Variants in PTPRF observed in about 807,000 individuals in gnomAD.
PTPRF encodes the protein protein tyrosine phosphatase receptor type F, also known as receptor-type tyrosine-protein phosphatase F.
Under a neutral mutation model 201.8 loss-of-function variants are expected in PTPRF, and 59 were observed. That is an observed-to-expected ratio of 0.29 (90% CI 0.24 to 0.36). The LOEUF is 0.36. Among genes scored for constraint, PTPRF ranks in the 10% least tolerant of loss-of-function variants. The pLI is 1.00. For synonymous variants in PTPRF, 1,088 were observed against 1,089.7 expected (o/e 1.00, Z 0.03); for missense variants, 2,132 against 2,690.5 (o/e 0.79, Z 4.59).
intron 11 of PTPRF, 51 bp downstream of exon 11, chr1:43,592,652 C>T (rs774010591): frequency 1.6e-5 from 24 of 1,486,122 alleles, no homozygotes; most frequent in Non-Finnish European, 2.2e-5. Context: ...GGGACACACA[C>T]ACACACATGC....
At chr1:43,596,109 T>C (rs1406284136) in intron 11 of PTPRF, among the ~76,000 whole-genome samples, 1 of 151,842 alleles carries the variant, frequency 6.6e-6, no homozygotes, top group Non-Finnish European at 1.5e-5. Flanking sequence ...GGTGAGAGTG[T>C]GGTAGGTGGT....
At position 43,606,221 on chromosome 1, in the gene PTPRF, C is replaced by T; in HGVS notation, c.3484-19C>T. The T allele has an allele frequency of 6.2e-7, 1 of 1,606,418 alleles. No individual in the cohort carries two copies. Among genetic ancestry groups the T allele is most frequent in the South Asian group, 1.1e-5 (1 of 90,420 alleles). ...CATGCTCCAAGGCCCCTCATGACCCCCATGCTCTGCTCTGCCAGCTTCTAG... is the reference window on the plus strand; with the variant it reads ...CATGCTCCAAGGCCCCTCATGACCCTCATGCTCTGCTCTGCCAGCTTCTAG... On this transcript the variant is annotated intron_variant, in intron 19 of 33. Coordinates refer to ENST00000359947, the MANE Select transcript of PTPRF (RefSeq NM_002840.5).
intron 21 of PTPRF, among the ~76,000 whole-genome samples, chr1:43,608,380 CT>C (rs1420573721): frequency 6.6e-6 from 1 of 152,198 alleles, no homozygotes; most frequent in African/African-American, 2.4e-5. Context: ...CCCTCTACTT[CT>C]AATCCTTGGG....
upstream of PTPRF, among the ~76,000 whole-genome samples, chr1:43,522,909 G>A (rs369837521): frequency 1.3e-5 from 2 of 152,208 alleles, no homozygotes; most frequent in African/African-American, 2.4e-5. Flanking sequence ...TTTTCGTGGC[G>A]GAGTGACATA....
chr1:43,531,677 C>T (rs904234021), intron 1 of PTPRF, among the ~76,000 whole-genome samples: 4 of 151,608 alleles, frequency 2.6e-5, no homozygotes, highest in Non-Finnish European at 4.4e-5. Context: ...AGCCCCCCCA[C>T]CCCCTTCGTT....
At chr1:43,620,391 A>G (rs888168238) in intron 30 of PTPRF, 63 bp from the exon 31 acceptor site, 31 of 1,544,998 alleles carry the variant, frequency 2.0e-5, no homozygotes, top group Non-Finnish European at 2.5e-5. Flanking sequence ...AATCCTGTGA[A>G]GCCTGGCACC....
intron 2 of PTPRF, among the ~76,000 whole-genome samples, chr1:43,540,460 C>T (rs74071952): frequency 0.016 from 2,367 of 152,136 alleles, 66 homozygotes; most frequent in African/African-American, 0.054. Flanking sequence ...CTTGGAGGCA[C>T]AAAGTTGGGA....
intron 5 of PTPRF, among the ~76,000 whole-genome samples, chr1:43,566,919 C>T (rs1349490602): frequency 2.0e-5 from 3 of 152,112 alleles, no homozygotes; most frequent in African/African-American, 4.8e-5. Context: ...CCACTGAGGG[C>T]GTGATAATTG....
At chr1:43,606,762 T>TG in intron 20 of PTPRF, 52 bp from the exon 21 acceptor site, 2 of 1,590,828 alleles carry the variant, frequency 1.3e-6, no homozygotes, top group Non-Finnish European at 8.6e-7. Flanking sequence ...AGGCAGAGGG[T>TG]GGGGGGTTCT....
intron 13 of PTPRF, 121 bp from the exon 14 acceptor site, chr1:43,601,950 C>G: frequency 8.5e-7 from 1 of 1,183,318 alleles, no homozygotes; most frequent in South Asian, 1.3e-5. Flanking sequence ...CCCATGGGTA[C>G]TTTGAGGCCC....
At chr1:43,563,152 T>C (rs1186807697) in intron 5 of PTPRF, among the ~76,000 whole-genome samples, 2 of 146,728 alleles carry the variant, frequency 1.4e-5, no homozygotes, top group Non-Finnish European at 3.0e-5. Context: ...CACTTCAGCC[T>C]AGGCGACCAA....
intron 3 of PTPRF, among the ~76,000 whole-genome samples, chr1:43,551,672 T>A (rs1645046461): frequency 6.6e-6 from 1 of 152,172 alleles, no homozygotes; most frequent in Non-Finnish European, 1.5e-5. Flanking sequence ...CCTCCGAGCC[T>A]CTATTTCCCC....
At chr1:43,594,920 G>C (rs1651863226) in intron 11 of PTPRF, among the ~76,000 whole-genome samples, 1 of 152,146 alleles carries the variant, frequency 6.6e-6, no homozygotes. Flanking sequence ...TCAGGGGAGG[G>C]GAGCGACTTG....
In PTPRF at chr1:43,597,941, G is replaced by C. The variant is rs1652786746; in HGVS notation, c.2007G>C (p.Trp669Cys). ...GCATCAGCCGTGAGCACTCCAGCTGGGACCTGGTGGGCCTGGAGAAGTGGA... is the reference window on the plus strand; with the variant it reads ...GCATCAGCCGTGAGCACTCCAGCTGCGACCTGGTGGGCCTGGAGAAGTGGA... The part of the protein sequence containing the change: ...VDGISREHSS[W>C]DLVGLEKWTE... The change falls in exon 12 of 34, where the codon TGG (tryptophan) becomes TGC (cysteine). Residue 669 changes from tryptophan to cysteine, a missense_variant. Trp to Cys is a radical substitution (Grantham distance 215). Transcript: ENST00000359947. 2 of 1,582,316 alleles carry C rather than the reference G, an allele frequency of 1.3e-6. No individual in the cohort carries two copies. The highest frequency in any genetic ancestry group is 2.3e-5 in the South Asian group (2 of 86,436).
chr1:43,558,303 C>A (rs1383008473), intron 5 of PTPRF, among the ~76,000 whole-genome samples: 1 of 152,138 alleles, frequency 6.6e-6, no homozygotes, highest in Non-Finnish European at 1.5e-5. Flanking sequence ...GGCCTGCAGT[C>A]TGTTCTGTGC....
intron 8 of PTPRF, among the ~76,000 whole-genome samples, chr1:43,590,737 T>A (rs1650459976): frequency 6.6e-6 from 1 of 152,192 alleles, no homozygotes; most frequent in South Asian, 2.1e-4. Context: ...AGTTGATATG[T>A]GTACATACTA....
upstream of PTPRF, among the ~76,000 whole-genome samples, chr1:43,522,594 C>T (rs1017544080): frequency 2.0e-5 from 3 of 152,196 alleles, no homozygotes; most frequent in Non-Finnish European, 4.4e-5. Context: ...CAGACAGCAA[C>T]AGGGCCCTGT....
chr1:43,586,311 G>C (rs531640782), intron 7 of PTPRF, among the ~76,000 whole-genome samples: 1 of 152,210 alleles, frequency 6.6e-6, no homozygotes, highest in Admixed American at 6.5e-5. Flanking sequence ...TCTGTGGCAG[G>C]CCTGGACCTG....
At chr1:43,621,061 A>G (rs1570757782) in intron 32 of PTPRF, 36 bp from the exon 33 acceptor site, 1 of 1,611,872 alleles carries the variant, frequency 6.2e-7, no homozygotes, top group Non-Finnish European at 8.5e-7. Context: ...TGCATGAGGC[A>G]AGCAGGACTC....
Sources: gnomAD v4.1 joint callset for allele counts (sites outside exome capture counted in the v4.1 genomes callset) on GRCh38, gnomAD v4.1.1 for gene constraint, MANE v1.5 for transcripts, NCBI Gene and HGNC (gene_info 2026-07-23, HGNC 2026-07-21) for gene names.